The following PTPRD variants were observed in gnomAD, a reference collection of about 807,000 sequenced individuals.
The protein encoded by PTPRD is protein tyrosine phosphatase receptor type D, also known as receptor-type tyrosine-protein phosphatase delta.
In PTPRD, 34 loss-of-function variants were observed where a neutral mutation model predicts 214.5. That is an observed-to-expected ratio of 0.16 (90% confidence interval 0.12 to 0.21). The LOEUF (loss-of-function observed/expected upper bound fraction) is 0.21. Ranked by LOEUF, PTPRD falls within the 10% of genes least tolerant of loss-of-function variation. The pLI is 1.00. For synonymous variants in PTPRD, 1,128 were observed against 845.7 expected (o/e 1.33, Z -5.79); for missense variants, 2,545 against 2,398.7 (o/e 1.06, Z -1.27).
chr9:9,603,806 T>G (rs2093954841), intron 7 of PTPRD, among the ~76,000 whole-genome samples: 1 of 151,898 alleles, frequency 6.6e-6, no homozygotes, highest in African/African-American at 2.4e-5. Flanking sequence ...ATAGAAATCC[T>G]AGAACTTTTA....
intron 7 of PTPRD, among the ~76,000 whole-genome samples, chr9:9,610,132 C>A (rs575053201): frequency 5.3e-5 from 8 of 152,132 alleles, no homozygotes; most frequent in Non-Finnish European, 8.8e-5. Flanking sequence ...AGCTATAAAC[C>A]AGTAGAAATA....
intron 8 of PTPRD, among the ~76,000 whole-genome samples, chr9:9,562,323 C>T (rs1262801181): frequency 1.3e-5 from 2 of 152,160 alleles, no homozygotes; most frequent in Admixed American, 1.3e-4. Flanking sequence ...TCATTGCCTC[C>T]TCTGCCACTA....
At chr9:8,864,944 C>G (rs1295888579) in intron 11 of PTPRD, among the ~76,000 whole-genome samples, 1 of 152,170 alleles carries the variant, frequency 6.6e-6, no homozygotes, top group Admixed American at 6.5e-5. Context: ...ATAAAGAAAA[C>G]AGCTTTGTAC....
chr9:8,979,446 G>A (rs2099293740), intron 11 of PTPRD, among the ~76,000 whole-genome samples: 2 of 151,810 alleles, frequency 1.3e-5, no homozygotes. Context: ...CAAATGAAGT[G>A]GTAACCTATG....
In PTPRD at chr9:9,692,509, A is replaced by G. The variant is rs994932396; in HGVS notation, c.-287+42024T>C. Among the ~76,000 whole-genome samples the G allele has an allele frequency of 7.2e-5, 11 of 152,100 alleles. No individual in the cohort carries two copies. The South Asian group carries it at 2.1e-3, about 29-fold the overall frequency. On this transcript the variant is annotated intron_variant, in intron 7 of 45. Coordinates refer to ENST00000381196, the MANE Select transcript of PTPRD (RefSeq NM_002839.4). ...ATGTGTCTGTTTTTATGCCAGTACT[A>G]TGCTGTTTTGGTTGCTATAACTCTG...
chr9:9,558,539 G>C (rs1403701983), intron 8 of PTPRD, among the ~76,000 whole-genome samples: 3 of 152,250 alleles, frequency 2.0e-5, no homozygotes, highest in Middle Eastern at 3.4e-3. Context: ...CCATAAGCCT[G>C]ACATACAACT....
At chr9:10,291,685 A>G (rs1334604394) in intron 3 of PTPRD, among the ~76,000 whole-genome samples, 2 of 152,080 alleles carry the variant, frequency 1.3e-5, no homozygotes, top group African/African-American at 2.4e-5. Context: ...CAGAAGGGAA[A>G]GCAGCCCTGA....
chr9:10,568,062 C>A (rs1157659040), intron 2 of PTPRD, among the ~76,000 whole-genome samples: 2 of 151,238 alleles, frequency 1.3e-5, no homozygotes, highest in Non-Finnish European at 2.9e-5. Context: ...GTGTGCTGCA[C>A]CCATTAACTC....
chr9:10,446,613 T>C (rs1000057382), intron 2 of PTPRD, among the ~76,000 whole-genome samples: 1 of 151,956 alleles, frequency 6.6e-6, no homozygotes, highest in East Asian at 1.9e-4. Context: ...TTAAATAAAA[T>C]ATGATGTAAG....
At chr9:8,877,129 G>C (rs971089725) in intron 11 of PTPRD, among the ~76,000 whole-genome samples, 2 of 152,086 alleles carry the variant, frequency 1.3e-5, no homozygotes, top group Non-Finnish European at 2.9e-5. Flanking sequence ...GTTTCGCTAT[G>C]TTGGCCAGGA....
chr9:8,479,417 AAT>A (rs985309403), intron 30 of PTPRD, among the ~76,000 whole-genome samples: 4 of 152,188 alleles, frequency 2.6e-5, no homozygotes, highest in Admixed American at 1.3e-4. Context: ...AAATGTCCAA[AAT>A]AGTTTGCTTT....
At chr9:10,263,511 T>C (rs1031955979) in intron 3 of PTPRD, among the ~76,000 whole-genome samples, 3 of 152,168 alleles carry the variant, frequency 2.0e-5, no homozygotes, top group African/African-American at 2.4e-5. Flanking sequence ...TCACTCTTGC[T>C]AGGCAAAAAG....
intron 4 of PTPRD, among the ~76,000 whole-genome samples, chr9:10,010,418 A>T (rs945687863): frequency 8.4e-5 from 4 of 47,340 alleles, no homozygotes; most frequent in African/African-American, 1.4e-4. Context: ...TTAAATTTAA[A>T]ATTTAATTTA....
intron 7 of PTPRD, among the ~76,000 whole-genome samples, chr9:9,715,286 T>C (rs915860351): frequency 3.3e-5 from 5 of 152,200 alleles, no homozygotes; most frequent in African/African-American, 1.2e-4. Flanking sequence ...TTTTCAACTC[T>C]AAATTCTCAA....
intron 39 of PTPRD, among the ~76,000 whole-genome samples, chr9:8,374,109 CGTGTCTGTGTGTGTGT>C (rs971005372): frequency 2.3e-5 from 3 of 132,894 alleles, no homozygotes; most frequent in Admixed American, 8.0e-5. Context: ...TAATTACACA[CGTGTCTGTGTGTGTGT>C]GTGTGTGTGT....
chr9:9,383,501 C>T (rs954301102), intron 9 of PTPRD, among the ~76,000 whole-genome samples: 3 of 152,042 alleles, frequency 2.0e-5, no homozygotes, highest in East Asian at 1.9e-4. Flanking sequence ...TGCTCTTCAT[C>T]ATCCTGAGTA....
chr9:9,260,053 A>G (rs985399362), intron 9 of PTPRD, among the ~76,000 whole-genome samples: 14 of 151,934 alleles, frequency 9.2e-5, no homozygotes, highest in African/African-American at 3.4e-4. Flanking sequence ...ATGCCAGAAA[A>G]GTCTGTGGGA....
intron 36 of PTPRD, among the ~76,000 whole-genome samples, chr9:8,396,520 AAAC>A (rs1371622882): frequency 6.6e-6 from 1 of 152,144 alleles, no homozygotes; most frequent in Non-Finnish European, 1.5e-5. Context: ...CAATTAAAAA[AAAC>A]AAAAAAGCTC....
Position 8,507,353 on chromosome 9 carries a change from T to A in PTPRD, c.1625A>T (p.Asp542Val). The A allele has an allele frequency of 1.9e-6, 3 of 1,614,062 alleles. No individual in the cohort carries two copies. Among genetic ancestry groups the A allele is most frequent in the Non-Finnish European group, 2.5e-6 (3 of 1,179,886 alleles). ...GACCAGTTCATAGTTGGCAATGGTA[T>A]CTGAACGTGGAGGTGTCCAAGAGAG... ...ILLSWTPPRSDTIANYELVYK... is the reference protein window; with the variant it reads ...ILLSWTPPRSVTIANYELVYK... The change falls in exon 22 of 46, where the codon GAT becomes GTT. Residue 542 changes from aspartate to valine, a missense_variant. Coordinates refer to ENST00000381196, the MANE Select transcript of PTPRD (RefSeq NM_002839.4).
Sources: gnomAD v4.1 joint callset for allele counts (sites outside exome capture counted in the v4.1 genomes callset) on GRCh38, gnomAD v4.1.1 for gene constraint, MANE v1.5 for transcripts, NCBI Gene and HGNC (gene_info 2026-07-23, HGNC 2026-07-21) for gene names.